Variants in EIF2AK3 observed in about 807,000 individuals in gnomAD.
EIF2AK3 encodes the protein eukaryotic translation initiation factor 2-alpha kinase 3.
In EIF2AK3, 50 loss-of-function variants were observed where a neutral mutation model predicts 113.5. The ratio of observed to expected loss-of-function variants is 0.44; its 90% CI spans 0.35 to 0.56. The LOEUF (loss-of-function observed/expected upper bound fraction) is 0.56. EIF2AK3 is among the 20% of genes least tolerant of loss of function. The probability of loss-of-function intolerance (pLI) is 0.00; values close to 1 mark genes in which losing one functional copy is unlikely to be tolerated. For synonymous variants in EIF2AK3, 448 were observed against 495.4 expected (o/e 0.90, Z 1.27); for missense variants, 1,185 against 1,378.0 (o/e 0.86, Z 2.22).
At chr2:88,623,720 A>G (rs1675789879) in intron 1 of EIF2AK3, among the ~76,000 whole-genome samples, 1 of 152,198 alleles carries the variant, frequency 6.6e-6, no homozygotes, top group African/African-American at 2.4e-5. Flanking sequence ...GCATTTAGAA[A>G]AAACTTTTAT....
At chr2:88,573,848 GA>G (rs1674380567) in intron 13 of EIF2AK3, among the ~76,000 whole-genome samples, 1 of 152,034 alleles carries the variant, frequency 6.6e-6, no homozygotes, top group Non-Finnish European at 1.5e-5. Context: ...CATCTATCAA[GA>G]CTTTAAGCTA....
intron 14 of EIF2AK3, among the ~76,000 whole-genome samples, chr2:88,563,886 T>C (rs1409532695): frequency 6.6e-6 from 1 of 152,214 alleles, no homozygotes; most frequent in Non-Finnish European, 1.5e-5. Context: ...ATAACTGCTG[T>C]TAATGTCTTA....
intron 2 of EIF2AK3, among the ~76,000 whole-genome samples, chr2:88,609,056 T>C (rs1675366976): frequency 6.6e-6 from 1 of 151,906 alleles, no homozygotes; most frequent in Non-Finnish European, 1.5e-5. Context: ...TTGTGGTGTT[T>C]TGTCCAACTT....
intron 15 of EIF2AK3, among the ~76,000 whole-genome samples, chr2:88,559,540 G>GTA (rs1553405883): frequency 1.3e-5 from 2 of 150,492 alleles, no homozygotes; most frequent in Non-Finnish European, 3.0e-5. Flanking sequence ...GTGTGTGTGT[G>GTA]TGTATGTACA....
chr2:88,579,839 T>A (rs758014426), intron 10 of EIF2AK3, 199 bp from the exon 11 acceptor site: 54 of 513,812 alleles, frequency 1.1e-4, no homozygotes, highest in Admixed American at 3.4e-4. Flanking sequence ...TTATGTTTCC[T>A]AGAAAAAAAT....
chr2:88,573,134 G>A (rs557574789), intron 13 of EIF2AK3, among the ~76,000 whole-genome samples: 2 of 151,318 alleles, frequency 1.3e-5, no homozygotes, highest in Non-Finnish European at 2.9e-5. Flanking sequence ...TTGGTTGGGG[G>A]TGGCGCACTA....
chr2:88,603,925 T>C (rs540548383), intron 2 of EIF2AK3, among the ~76,000 whole-genome samples: 2 of 152,292 alleles, frequency 1.3e-5, no homozygotes, highest in African/African-American at 2.4e-5. Flanking sequence ...TTCCTTTCTA[T>C]ACCTGTTCTT....
At chr2:88,609,816 T>C (rs1238556561) in intron 2 of EIF2AK3, among the ~76,000 whole-genome samples, 2 of 151,762 alleles carry the variant, frequency 1.3e-5, no homozygotes, top group African/African-American at 2.4e-5. Context: ...TCTAGAATAC[T>C]GGAAAACTTG....
At chr2:88,597,919 G>A (rs993767933) in intron 2 of EIF2AK3, among the ~76,000 whole-genome samples, 4 of 152,076 alleles carry the variant, frequency 2.6e-5, no homozygotes, top group Middle Eastern at 6.8e-3. Context: ...ACTCATACCC[G>A]GTGCCCAAAT....
At chr2:88,559,327 A>G (rs1673875613) in intron 15 of EIF2AK3, among the ~76,000 whole-genome samples, 1 of 152,228 alleles carries the variant, frequency 6.6e-6, no homozygotes, top group Admixed American at 6.5e-5. Context: ...AATACAGTAT[A>G]ATACTTATTT....
chr2:88,567,853 A>G (rs184833043), intron 14 of EIF2AK3, among the ~76,000 whole-genome samples: 1 of 152,354 alleles, frequency 6.6e-6, no homozygotes, highest in African/African-American at 2.4e-5. Context: ...TGTAAACATA[A>G]GCAAATGTAT....
intron 14 of EIF2AK3, among the ~76,000 whole-genome samples, chr2:88,562,737 C>A (rs1006247325): frequency 6.6e-6 from 1 of 152,300 alleles, no homozygotes; most frequent in East Asian, 1.9e-4. Context: ...TCAAAGGGAA[C>A]GCTATCTAAA....
chr2:88,556,881 T>C lies in EIF2AK3; in HGVS notation c.*855A>G, dbSNP rs1673791572. Reference sequence around the variant, plus strand: ...AAATAAAACATAAACATATTTACAGTGAAAAATAAAAACATGTTAGCAAGT... The same window carrying C: ...AAATAAAACATAAACATATTTACAGCGAAAAATAAAAACATGTTAGCAAGT... On this transcript the variant is annotated 3_prime_UTR_variant, in exon 17 of 17. Coordinates refer to ENST00000303236, the MANE Select transcript of EIF2AK3 (RefSeq NM_004836.7). The C allele has an allele frequency of 6.6e-6, 1 of 152,058 alleles. No homozygotes were observed. The highest frequency in any genetic ancestry group is 1.5e-5 in the Non-Finnish European group (1 of 68,000). The allele number at this position is 152,058 out of a possible 1,614,324, so 9.4% of individuals were successfully genotyped here.
At position 88,610,684 on chromosome 2, in the gene EIF2AK3, T is replaced by C. The variant is rs1022587314; in HGVS notation, c.438+3040A>G. On this transcript the variant is annotated intron_variant, in intron 2 of 16. Coordinates refer to ENST00000303236, the MANE Select transcript of EIF2AK3 (RefSeq NM_004836.7). Reference sequence around the variant, plus strand: ...ATTAAATTTTTTGTATTAAAGAATATAGTTATTATTCATAAAAATGTTACG... The same window carrying C: ...ATTAAATTTTTTGTATTAAAGAATACAGTTATTATTCATAAAAATGTTACG... Among the ~76,000 whole-genome samples the C allele has an allele frequency of 3.3e-5, 5 of 152,376 alleles. No homozygotes were observed. In the South Asian group the frequency reaches 8.3e-4, roughly 25 times the overall value.
At chr2:88,617,373 C>T (rs1359166740) in intron 1 of EIF2AK3, among the ~76,000 whole-genome samples, 2 of 152,096 alleles carry the variant, frequency 1.3e-5, no homozygotes, top group Admixed American at 6.5e-5. Context: ...CAATCCTAAG[C>T]GAATTAACAC....
rs1181788088 is a variant in EIF2AK3 at position 88,578,346 on chromosome 2, G to C, written c.1886+1172C>G. On this transcript the variant is annotated intron_variant, in intron 11 of 16. Coordinates refer to ENST00000303236, the MANE Select transcript of EIF2AK3 (RefSeq NM_004836.7). Reference sequence around the variant, plus strand: ...GTGGATCATTTGAGGTCAGGAGTTCGAGACCAGCCTGGCCAACACGGTGAA... The same window carrying C: ...GTGGATCATTTGAGGTCAGGAGTTCCAGACCAGCCTGGCCAACACGGTGAA... Among the ~76,000 whole-genome samples the C allele has an allele frequency of 4.6e-5, 7 of 152,028 alleles. No individual in the cohort carries two copies. In the South Asian group the frequency reaches 1.2e-3, roughly 27 times the overall value.
At chr2:88,617,462 G>T (rs1675613395) in intron 1 of EIF2AK3, among the ~76,000 whole-genome samples, 1 of 152,110 alleles carries the variant, frequency 6.6e-6, no homozygotes, top group Non-Finnish European at 1.5e-5. Context: ...CATAAACATG[G>T]GAGCAATAGA....
intron 2 of EIF2AK3, among the ~76,000 whole-genome samples, chr2:88,612,262 A>G (rs1205425744): frequency 6.6e-6 from 1 of 152,204 alleles, no homozygotes. Context: ...GCTTTGAACT[A>G]CTACAACACA....
chr2:88,590,947 C>G lies in EIF2AK3; in HGVS notation c.873G>C (p.Glu291Asp). The G allele has an allele frequency of 6.2e-7, 1 of 1,614,120 alleles. No homozygotes were observed. The highest frequency in any genetic ancestry group is 8.5e-7 in the Non-Finnish European group (1 of 1,179,984). Reference protein sequence around the residue: ...STFKPNENTEESKIISDVEEQ... With the variant: ...STFKPNENTEDSKIISDVEEQ... ...CTTCCACATCTGAAATAATTTTAGA[C>G]TCTTCTGTGTTCTCATTGGGCTTAA... Residue 291 changes from glutamate (E) to aspartate (D), a missense_variant, in exon 5 of 17, where the codon GAG (glutamate) becomes GAC (aspartate). Coordinates refer to ENST00000303236, the MANE Select transcript of EIF2AK3 (RefSeq NM_004836.7).
Sources: allele counts gnomAD v4.1 joint callset (sites outside exome capture counted in the v4.1 genomes callset), GRCh38; gene constraint gnomAD v4.1.1; transcripts MANE v1.5; gene names NCBI Gene and HGNC (gene_info 2026-07-23, HGNC 2026-07-21).